KCNIP4: variants seen among roughly 807,000 people sequenced by gnomAD.
KCNIP4 encodes Kv channel-interacting protein 4.
In KCNIP4, 12 loss-of-function variants were observed where a neutral mutation model predicts 34.0. That is an observed-to-expected ratio of 0.35 (90% CI 0.23 to 0.57). The LOEUF (loss-of-function observed/expected upper bound fraction) is 0.57. Ranked by LOEUF, KCNIP4 falls within the 20% of genes least tolerant of loss-of-function variation. The probability of loss-of-function intolerance (pLI) is 0.83; values close to 1 mark genes in which losing one functional copy is unlikely to be tolerated. For missense variants in KCNIP4, 238 were observed against 311.7 expected (o/e 0.76, Z 1.78); for synonymous variants, 124 against 102.2 (o/e 1.21, Z -1.29).
intron 1 of KCNIP4, among the ~76,000 whole-genome samples, chr4:21,776,398 G>A (rs1719183983): frequency 6.6e-6 from 1 of 152,074 alleles, no homozygotes; most frequent in Non-Finnish European, 1.5e-5. Context: ...CCCCGCCCCA[G>A]AAGTTTCTTC....
chr4:20,919,257 T>C (rs1245441257), intron 1 of KCNIP4, among the ~76,000 whole-genome samples: 1 of 152,128 alleles, frequency 6.6e-6, no homozygotes, highest in Non-Finnish European at 1.5e-5. Flanking sequence ...TGTTCTCATT[T>C]GCATTCCAGG....
intron 1 of KCNIP4, among the ~76,000 whole-genome samples, chr4:21,333,278 G>T (rs2109329048): frequency 6.6e-6 from 1 of 151,628 alleles, no homozygotes; most frequent in South Asian, 2.1e-4. Context: ...CAAGTACTCT[G>T]CCTCCCTTGT....
chr4:21,343,193 A>G (rs1333929652), intron 1 of KCNIP4, among the ~76,000 whole-genome samples: 1 of 152,176 alleles, frequency 6.6e-6, no homozygotes, highest in Non-Finnish European at 1.5e-5. Flanking sequence ...ATAGGCTTAA[A>G]TAGAAAAAGT....
At chr4:21,317,360 T>C (rs1243165434) in intron 1 of KCNIP4, among the ~76,000 whole-genome samples, 1 of 152,198 alleles carries the variant, frequency 6.6e-6, no homozygotes, top group African/African-American at 2.4e-5. Flanking sequence ...TTTACTATTC[T>C]GTGTCCAAAA....
intron 1 of KCNIP4, among the ~76,000 whole-genome samples, chr4:21,035,052 T>C (rs879530182): frequency 1.3e-5 from 2 of 152,216 alleles, no homozygotes; most frequent in African/African-American, 2.4e-5. Context: ...CCTTCTCTTA[T>C]CCTTGCCTCT....
intron 1 of KCNIP4, among the ~76,000 whole-genome samples, chr4:21,741,791 C>A (rs1351832006): frequency 6.6e-6 from 1 of 152,152 alleles, no homozygotes; most frequent in Admixed American, 6.5e-5. Flanking sequence ...GTAATCCCAG[C>A]ACTTCGGGAA....
At chr4:21,528,834 A>G (rs1327591549) in intron 1 of KCNIP4, among the ~76,000 whole-genome samples, 2 of 143,828 alleles carry the variant, frequency 1.4e-5, no homozygotes, top group African/African-American at 5.1e-5. Context: ...GAAGGAAGGA[A>G]GGAAGGAAGG....
chr4:21,763,992 T>C (rs16871866), intron 1 of KCNIP4, among the ~76,000 whole-genome samples: 4,270 of 152,176 alleles, frequency 0.028, 185 homozygotes, highest in African/African-American at 0.096. Flanking sequence ...AGAAAATTTA[T>C]GCAATTAGAT....
intron 1 of KCNIP4, among the ~76,000 whole-genome samples, chr4:21,469,187 C>A (rs1230833274): frequency 1.3e-5 from 2 of 152,070 alleles, no homozygotes; most frequent in Non-Finnish European, 2.9e-5. Context: ...ATCTCAGCCT[C>A]CCAAGTAGCT....
chr4:21,112,025 G>GTATCTATC (rs34396290), intron 1 of KCNIP4, among the ~76,000 whole-genome samples: 6,260 of 114,732 alleles, frequency 0.055, 141 homozygotes, highest in East Asian at 0.08. Context: ...TCCTTTCTCT[G>GTATCTATC]TATCTATCTA....
At chr4:21,702,603 C>A (rs1014990222) in intron 1 of KCNIP4, among the ~76,000 whole-genome samples, 2 of 151,932 alleles carry the variant, frequency 1.3e-5, no homozygotes, top group African/African-American at 4.8e-5. Flanking sequence ...ATTTAATTTA[C>A]AATTTATAAA....
chr4:21,485,451 T>G (rs1731819020), intron 1 of KCNIP4, among the ~76,000 whole-genome samples: 1 of 152,152 alleles, frequency 6.6e-6, no homozygotes, highest in Non-Finnish European at 1.5e-5. Context: ...TGCCCTATAT[T>G]CAGATAACAT....
chr4:20,790,402 ATTTAAC>A (rs1464125529), intron 3 of KCNIP4, among the ~76,000 whole-genome samples: 2 of 152,172 alleles, frequency 1.3e-5, no homozygotes, highest in Non-Finnish European at 2.9e-5. Flanking sequence ...TCAATAACAA[ATTTAAC>A]TTTAGGTTAC....
rs1203968423 is a variant in KCNIP4, at chr4:21,372,904, A to G, written c.62-490195T>C. On this transcript the variant is annotated intron_variant, in intron 1 of 8. Transcript: ENST00000382152. ...GTTCACAAGTAAAATTTTATTCCCAATTTGACAGGTAGGTGGGTAAATATG... is the reference window on the plus strand; with the variant it reads ...GTTCACAAGTAAAATTTTATTCCCAGTTTGACAGGTAGGTGGGTAAATATG... Among the ~76,000 whole-genome samples, 2 of 146,016 alleles carry G rather than the reference A, an allele frequency of 1.4e-5. 1 individual carries two copies. The highest frequency in any genetic ancestry group is 5.6e-5 in the African/African-American group (2 of 35,986).
At chr4:21,720,225 C>T (rs535743397) in intron 1 of KCNIP4, among the ~76,000 whole-genome samples, 4 of 151,968 alleles carry the variant, frequency 2.6e-5, no homozygotes, top group Admixed American at 2.6e-4. Flanking sequence ...AGGCCAGTTG[C>T]GTTCAATACC....
chr4:21,694,943 A>AAAAAAAAC lies in KCNIP4; in HGVS notation c.61+253627_61+253628insGTTTTTTT, dbSNP rs1560637409. ...AAAAAAAAAAAAATAAAAATAAATA[A>AAAAAAAAC]ATAAATAAAGGGCTTTTTGGTAAAA... On this transcript the variant is annotated intron_variant, in intron 1 of 8. Coordinates refer to ENST00000382152, the MANE Select transcript of KCNIP4 (RefSeq NM_025221.6). Among the ~76,000 whole-genome samples the AAAAAAAAC allele has an allele frequency of 1.1e-4, 5 of 45,334 alleles. 1 individual carries two copies. The highest frequency in any genetic ancestry group is 1.8e-4 in the Admixed American group (1 of 5,582). The allele number at this position is 45,334 out of a possible 152,430, so 29.7% of individuals were successfully genotyped here.
At chr4:21,717,765 T>C (rs915752430) in intron 1 of KCNIP4, among the ~76,000 whole-genome samples, 1 of 152,194 alleles carries the variant, frequency 6.6e-6, no homozygotes, top group Non-Finnish European at 1.5e-5. Context: ...TTGATCACTG[T>C]CATTTTCATT....
intron 1 of KCNIP4, among the ~76,000 whole-genome samples, chr4:21,381,076 A>G (rs963144571): frequency 6.6e-6 from 1 of 152,156 alleles, no homozygotes; most frequent in Non-Finnish European, 1.5e-5. Flanking sequence ...TCATTGTCCA[A>G]AGATTCTGGC....
chr4:21,363,105 C>T (rs907675704), intron 1 of KCNIP4, among the ~76,000 whole-genome samples: 8 of 152,142 alleles, frequency 5.3e-5, no homozygotes, highest in African/African-American at 1.9e-4. Flanking sequence ...AACAGAGCCT[C>T]AGAGAGGTTT....
Sources: allele counts gnomAD v4.1 joint callset (sites outside exome capture counted in the v4.1 genomes callset), GRCh38; gene constraint gnomAD v4.1.1; transcripts MANE v1.5; gene names NCBI Gene and HGNC (gene_info 2026-07-23, HGNC 2026-07-21).